SLIT1: variants seen among roughly 807,000 people sequenced by gnomAD.
SLIT1 encodes the protein slit guidance ligand 1, also known as slit homolog 1 protein.
A neutral mutation model predicts 186.1 loss-of-function variants in SLIT1; 66 were observed. The observed-to-expected ratio is 0.35, with a 90% CI of 0.29 to 0.44. The LOEUF (loss-of-function observed/expected upper bound fraction) is 0.44. Among genes scored for constraint, SLIT1 ranks in the 20% least tolerant of loss-of-function variants. SLIT1 has a pLI of 1.00. For synonymous variants in SLIT1, 761 were observed against 833.8 expected (o/e 0.91, Z 1.50); for missense variants, 1,638 against 2,037.4 (o/e 0.80, Z 3.77).
At chr10:97,048,327 T>C (rs958772621) in intron 14 of SLIT1, among the ~76,000 whole-genome samples, 1 of 152,124 alleles carries the variant, frequency 6.6e-6, no homozygotes, top group African/African-American at 2.4e-5. Context: ...GGATGTAGGC[T>C]CAGAAGCTGC....
In SLIT1 at chr10:97,000,867, A is replaced by C; in HGVS notation, c.*245T>G. ...CTCAACAAATATTTATTAAGCGCCT[A>C]TTTGTGCAAGGCACTTCCGGAGAGG... is the stretch of plus-strand genomic sequence containing the variant. On this transcript the variant is annotated 3_prime_UTR_variant, in exon 37 of 37. Transcript: ENST00000266058. 3 of 551,102 alleles carry C rather than the reference A, an allele frequency of 5.4e-6. No homozygotes were observed. In the South Asian group the frequency reaches 7.4e-5, roughly 14 times the overall value. 34.1% of individuals were successfully genotyped at this position (551,102 alleles called of 1,614,324 possible). A position where few individuals can be genotyped will look rare whatever the true frequency, so the allele number is the denominator to read the frequency against.
intron 4 of SLIT1, among the ~76,000 whole-genome samples, chr10:97,079,300 G>A (rs1379741856): frequency 1.3e-5 from 2 of 152,150 alleles, no homozygotes; most frequent in African/African-American, 4.8e-5. Context: ...GCTGGAAGGA[G>A]GTACAGGAGG....
chr10:97,027,520 T>C (rs558214668), intron 25 of SLIT1, among the ~76,000 whole-genome samples: 21 of 152,356 alleles, frequency 1.4e-4, no homozygotes, highest in Admixed American at 2.6e-4. Context: ...CAGATGCTGT[T>C]TCGTAGAGAA....
chr10:97,165,111 G>A (rs563714352), intron 1 of SLIT1, among the ~76,000 whole-genome samples: 6 of 152,304 alleles, frequency 3.9e-5, no homozygotes, highest in African/African-American at 1.4e-4. Flanking sequence ...GCGCATCACT[G>A]GGAGTGCTGT....
rs138349373 is a variant in SLIT1, at chr10:97,074,182, C to T, written c.414-8096G>A. 6.0e-4 allele frequency among the ~76,000 whole-genome samples: 92 copies of T among 152,296 alleles called. 1 individual carries two copies. The highest frequency in any genetic ancestry group is 5.9e-3 in the Admixed American group (90 of 15,300). The stretch of plus-strand genomic sequence containing the variant: ...TCCATCTCCCTCTCCAGACCATAAC[C>T]TCCCAGCAGACACTCTCCTTCACTT... On this transcript the variant is annotated intron_variant, in intron 4 of 36. Coordinates refer to ENST00000266058, the MANE Select transcript of SLIT1 (RefSeq NM_003061.3).
At chr10:97,069,716 G>A (rs953578423) in intron 4 of SLIT1, among the ~76,000 whole-genome samples, 1 of 152,166 alleles carries the variant, frequency 6.6e-6, no homozygotes, top group African/African-American at 2.4e-5. Flanking sequence ...AAGGCAGGCT[G>A]GGGGAATCTC....
intron 23 of SLIT1, among the ~76,000 whole-genome samples, chr10:97,033,256 CCTGGAGAATGG>C (rs1253499688): frequency 3.3e-5 from 5 of 152,058 alleles, no homozygotes; most frequent in Non-Finnish European, 5.9e-5. Context: ...ACATTCAGCT[CCTGGAGAATGG>C]CTGGGTCAGG....
rs73320645 is a variant in SLIT1, at chr10:97,042,832, T to C, written c.2164+69A>G. 6,878 of 1,539,800 alleles carry C rather than the reference T, an allele frequency of 4.5e-3. 262 individuals carry two copies. The African/African-American group carries it at 0.079, about 18-fold the overall frequency. On this transcript the variant is annotated intron_variant, in intron 20 of 36. Transcript: ENST00000266058. ...TGCTGCCTGTCCACTCCCATCTTCC[T>C]CACCTGCCCCACCCCACTGGTTGGA...
At chr10:97,131,077 A>T (rs994944517) in intron 4 of SLIT1, among the ~76,000 whole-genome samples, 1 of 152,268 alleles carries the variant, frequency 6.6e-6, no homozygotes, top group East Asian at 1.9e-4. Context: ...GCCAGGTGAG[A>T]CCGACAGCAT....
At chr10:97,130,932 T>C (rs1849647310) in intron 4 of SLIT1, among the ~76,000 whole-genome samples, 7 of 152,154 alleles carry the variant, frequency 4.6e-5, no homozygotes. Flanking sequence ...GAACATGCTC[T>C]GTGATCTGGA....
chr10:97,102,419 C>T (rs1383702922), intron 4 of SLIT1: 1 of 65,230 alleles, frequency 1.5e-5, no homozygotes, highest in South Asian at 6.3e-4. Flanking sequence ...AGTAAGACTC[C>T]GTCAAAAAAA....
intron 4 of SLIT1, among the ~76,000 whole-genome samples, chr10:97,073,104 T>TC (rs1324981786): frequency 2.6e-5 from 4 of 152,142 alleles, no homozygotes; most frequent in Non-Finnish European, 4.4e-5. Flanking sequence ...AAAGCTATTC[T>TC]CTTTTTTTTT....
chr10:97,006,574 T>A lies in SLIT1; in HGVS notation c.3488A>T (p.Glu1163Val). ...CACAAAGTTGACACTGAGCAACTTC[T>A]CACACTCAGGGCCACCGAAGCCTGG... Reference protein sequence around the residue: ...CLPGFGGPECEKLLSVNFVDR... With the variant: ...CLPGFGGPECVKLLSVNFVDR... Residue 1163 changes from glutamate (E) to valine (V), a missense_variant, in exon 32 of 37, where the codon GAG becomes GTG. Physicochemically the swap from Glu to Val is moderately radical, Grantham distance 121 (BLOSUM62 -2). Coordinates refer to ENST00000266058, the MANE Select transcript of SLIT1 (RefSeq NM_003061.3). The surrounding 1 kb of genome is among the most constrained non-coding windows in gnomAD (Gnocchi z 4.0). The A allele has an allele frequency of 6.2e-7, 1 of 1,614,184 alleles. No homozygotes were observed. Among genetic ancestry groups the A allele is most frequent in the Non-Finnish European group, 8.5e-7 (1 of 1,180,042 alleles).
intron 34 of SLIT1, among the ~76,000 whole-genome samples, chr10:97,003,712 T>G (rs540223879): frequency 6.6e-6 from 1 of 152,284 alleles, no homozygotes; most frequent in East Asian, 1.9e-4. Context: ...CTTGCAGTGG[T>G]TCTGGGTCTC....
chr10:97,022,261 C>T lies in SLIT1; in HGVS notation c.2583-848G>A, dbSNP rs965226119. Among the ~76,000 whole-genome samples, 7 of 152,186 alleles carry T rather than the reference C, an allele frequency of 4.6e-5. No homozygotes were observed. The highest frequency in any genetic ancestry group is 4.2e-4 in the South Asian group (2 of 4,818). ...GGGCAGCCCCTGGATCCAGATGTGCCGCTGTCTGCCTCCGAAGCCCATGCT... is the reference window on the plus strand; with the variant it reads ...GGGCAGCCCCTGGATCCAGATGTGCTGCTGTCTGCCTCCGAAGCCCATGCT... On this transcript the variant is annotated intron_variant, in intron 25 of 36. Coordinates refer to ENST00000266058, the MANE Select transcript of SLIT1 (RefSeq NM_003061.3). This position sits in a 1 kb window ranked among gnomAD's most constrained non-coding sequence, Gnocchi z 4.2.
chr10:97,067,030 C>T (rs1310279498), intron 4 of SLIT1, among the ~76,000 whole-genome samples: 2 of 152,210 alleles, frequency 1.3e-5, no homozygotes, highest in African/African-American at 4.8e-5. Flanking sequence ...AGAATTGGCT[C>T]CGGTGACCCA....
intron 4 of SLIT1, among the ~76,000 whole-genome samples, chr10:97,110,308 T>C (rs1294778372): frequency 2.0e-5 from 3 of 152,088 alleles, no homozygotes; most frequent in African/African-American, 7.2e-5. Context: ...GCCCATGACC[T>C]AGCAATTCCA....
chr10:97,026,323 G>C (rs532380860), intron 25 of SLIT1, among the ~76,000 whole-genome samples: 1 of 152,208 alleles, frequency 6.6e-6, no homozygotes, highest in South Asian at 2.1e-4. Flanking sequence ...ACTTAGCCAG[G>C]CATAGTGGCA....
chr10:97,002,434 G>A lies in SLIT1; in HGVS notation c.4155-65C>T, dbSNP rs560823254. 93 of 1,291,422 alleles carry A rather than the reference G, an allele frequency of 7.2e-5. 1 individual carries two copies. The highest frequency in any genetic ancestry group is 5.4e-4 in the African/African-American group (37 of 68,170). 80.0% of individuals were successfully genotyped at this position (1,291,422 alleles called of 1,614,324 possible). On this transcript the variant is annotated intron_variant, in intron 35 of 36. Coordinates refer to ENST00000266058, the MANE Select transcript of SLIT1 (RefSeq NM_003061.3). ...AGCCAAGCCCCACCTGACACAGCCC[G>A]CCCCACCTGACACAGCCCACCCCAC...
Sources: gnomAD v4.1 joint callset for allele counts (sites outside exome capture counted in the v4.1 genomes callset) on GRCh38, gnomAD v4.1.1 for gene constraint, Gnocchi (gnomAD v3.1) non-coding constraint, MANE v1.5 for transcripts, NCBI Gene and HGNC (gene_info 2026-07-23, HGNC 2026-07-21) for gene names.